The following CPOX variants were observed in gnomAD, a reference collection of about 807,000 sequenced individuals.
CPOX encodes the protein coproporphyrinogen oxidase, also known as oxygen-dependent coproporphyrinogen-III oxidase, mitochondrial.
In CPOX, 24 loss-of-function variants were observed where a neutral mutation model predicts 48.9. The ratio of observed to expected loss-of-function variants is 0.49; its 90% CI spans 0.36 to 0.69. The LOEUF is 0.69. Among genes scored for constraint, CPOX ranks in the 30% least tolerant of loss-of-function variants. CPOX has a pLI of 0.00. For missense variants in CPOX, 549 were observed against 597.3 expected, an observed-to-expected ratio of 0.92 and a Z score of 0.84; for synonymous variants, 249 against 234.6, an observed-to-expected ratio of 1.06 and a Z score of -0.56.
chr3:98,580,676 G>T lies in CPOX; in HGVS notation c.*7C>A. 6.2e-7 allele frequency: 1 copy of T among 1,614,094 alleles called. No individual in the cohort carries two copies. Among genetic ancestry groups the T allele is most frequent in the Non-Finnish European group, 8.5e-7 (1 of 1,179,986 alleles). On this transcript the variant is annotated 3_prime_UTR_variant, in exon 7 of 7. Coordinates refer to ENST00000647941, the MANE Select transcript of CPOX (RefSeq NM_000097.7). The stretch of plus-strand genomic sequence containing the variant: ...CTCCAAACCCCTGCACAGCCATTCT[G>T]CCTGCATCAACGCACCCAGTCCCTT...
chr3:98,588,414 A>C (rs1263423344), intron 4 of CPOX, among the ~76,000 whole-genome samples: 2 of 152,208 alleles, frequency 1.3e-5, no homozygotes, highest in Non-Finnish European at 2.9e-5. Context: ...AGAATTTAAC[A>C]ACCCACTCCA....
chr3:98,593,309 A>G lies in CPOX; in HGVS notation c.196T>C (p.Ser66Pro). Reference protein sequence around the residue: ...TEQSRGLGHGSTSRGGPWVGT... With the variant: ...TEQSRGLGHGPTSRGGPWVGT... ...ACCCAGGGGCCGCCTCTCGACGTCGAGCCGTGCCCCAGCCCGCGGCTCTGC... is the reference window on the plus strand; with the variant it reads ...ACCCAGGGGCCGCCTCTCGACGTCGGGCCGTGCCCCAGCCCGCGGCTCTGC... Residue 66 changes from serine (S) to proline (P), a missense_variant, in exon 1 of 7, where the codon TCG becomes CCG. By Grantham distance (74) the Ser-to-Pro change is moderately conservative (BLOSUM62 -1). Coordinates refer to ENST00000647941, the MANE Select transcript of CPOX (RefSeq NM_000097.7). 1 of 1,438,026 alleles carries G rather than the reference A, an allele frequency of 7.0e-7. No homozygotes were observed. Among genetic ancestry groups the G allele is most frequent in the Non-Finnish European group, 9.1e-7 (1 of 1,103,964 alleles). The allele number at this position is 1,438,026 out of a possible 1,614,324, so 89.1% of individuals were successfully genotyped here. A position where few individuals can be genotyped will look rare whatever the true frequency, so the allele number is the denominator to read the frequency against.
Position 98,581,523 on chromosome 3 carries a change from A to G in CPOX, c.1173-12T>C. 1 of 1,572,934 alleles carries G rather than the reference A, an allele frequency of 6.4e-7. No individual in the cohort carries two copies. Among genetic ancestry groups the G allele is most frequent in the South Asian group, 1.1e-5 (1 of 90,302 alleles). On this transcript the variant is annotated splice_polypyrimidine_tract_variant and intron_variant, in intron 5 of 6. Coordinates refer to ENST00000647941, the MANE Select transcript of CPOX (RefSeq NM_000097.7). ...TAAATTCTACATACCTGCCATAAAT[A>G]CATCAAATAACATTAAGGGCCAGCT...
chr3:98,579,413 T>C, downstream of CPOX: 2 of 676,976 alleles, frequency 3.0e-6, no homozygotes, highest in South Asian at 1.3e-4. Flanking sequence ...CGTTTTCCTA[T>C]ATTATCCTGG....
downstream of CPOX, among the ~76,000 whole-genome samples, chr3:98,577,957 A>G (rs1024016626): frequency 1.3e-5 from 2 of 152,232 alleles, no homozygotes; most frequent in African/African-American, 4.8e-5. Flanking sequence ...CTTATCTCAA[A>G]TACTCTGCTG....
intron 1 of CPOX, 38 bp downstream of exon 1, chr3:98,592,911 C>T: frequency 6.3e-7 from 1 of 1,588,376 alleles, no homozygotes; most frequent in Non-Finnish European, 8.6e-7. Context: ...GACCCTTTTT[C>T]CCTGTCTCCA....
At chr3:98,585,198 T>A (rs1707337706) in intron 5 of CPOX, among the ~76,000 whole-genome samples, 1 of 152,170 alleles carries the variant, frequency 6.6e-6, no homozygotes, top group Non-Finnish European at 1.5e-5. Flanking sequence ...TCAGCAGAAT[T>A]AAATTCAGGA....
rs372047148 is a variant in CPOX, at chr3:98,588,749, T to A, written c.917A>T (p.Gln306Leu). ...TTTGGGGTAGAGATCTGGACCATGC[T>A]GGTCACAAGCCTCCTTCAGAGTTCT... ...FHRTLKEACDQHGPDLYPKFK... is the reference protein window; with the variant it reads ...FHRTLKEACDLHGPDLYPKFK... Residue 306 changes from glutamine to leucine, a missense_variant, in exon 4 of 7, where the codon CAG becomes CTG. This residue lies in a region of CPOX where 213 missense variants were observed against 279.1 expected (regional missense o/e 0.76). Coordinates refer to ENST00000647941, the MANE Select transcript of CPOX (RefSeq NM_000097.7). 4.3e-6 allele frequency: 7 copies of A among 1,614,100 alleles called. No homozygotes were observed. The highest frequency in any genetic ancestry group is 4.2e-6 in the Non-Finnish European group (5 of 1,180,050).
chr3:98,582,558 T>C (rs1313320919), intron 5 of CPOX, among the ~76,000 whole-genome samples: 2 of 151,856 alleles, frequency 1.3e-5, no homozygotes, highest in African/African-American at 2.4e-5. Flanking sequence ...AGTGGCGCAA[T>C]CTCAGCTCAC....
At chr3:98,571,360 T>C in the CPOX span, among the ~76,000 whole-genome samples, 13 of 152,306 alleles carry the variant, frequency 8.5e-5, no homozygotes, top group African/African-American at 2.6e-4. Context: ...ATTTTCATTT[T>C]TCCTTCTTTA....
In CPOX at chr3:98,593,353, G is replaced by T; in HGVS notation, c.152C>A (p.Pro51His). The T allele has an allele frequency of 7.5e-7, 1 of 1,340,526 alleles. No homozygotes were observed. Among genetic ancestry groups the T allele is most frequent in the Non-Finnish European group, 9.5e-7 (1 of 1,057,948 alleles). 83.0% of individuals were successfully genotyped at this position (1,340,526 alleles called of 1,614,324 possible). The part of the protein sequence containing the change: ...RSAAGRVCRP[P>H]GPAGTEQSRG... ...GCTCTGCTCCGTGCCAGCCGGGCCA[G>T]GGGGCCGGCAGACGCGTCCGGCTGC... Residue 51 changes from proline (P) to histidine (H), a missense_variant, in exon 1 of 7, where the codon CCT (proline) becomes CAT (histidine). Physicochemically the swap from Pro to His is moderately conservative, Grantham distance 77 (BLOSUM62 -2). Transcript: ENST00000647941.
At position 98,585,434 on chromosome 3, in the gene CPOX, C is replaced by T. The variant is rs778215224; in HGVS notation, c.1172+7G>A. 5.0e-6 allele frequency: 8 copies of T among 1,612,866 alleles called. No individual in the cohort carries two copies. The highest frequency in any genetic ancestry group is 6.8e-6 in the Non-Finnish European group (8 of 1,179,354). On this transcript the variant is annotated splice_region_variant and intron_variant, in intron 5 of 6. Transcript: ENST00000647941. ...GCCATGAAAGAATTCGTTTTCCAGTCACTTACCGTCCTCTTCTGAGCTGCT... is the reference window on the plus strand; with the variant it reads ...GCCATGAAAGAATTCGTTTTCCAGTTACTTACCGTCCTCTTCTGAGCTGCT...
At chr3:98,592,029 G>A (rs1205706204) in intron 1 of CPOX, among the ~76,000 whole-genome samples, 1 of 151,084 alleles carries the variant, frequency 6.6e-6, no homozygotes, top group African/African-American at 2.4e-5. Context: ...AGGATTAAAA[G>A]AGATGAAATA....
intron 5 of CPOX, among the ~76,000 whole-genome samples, chr3:98,583,885 T>G (rs1707307553): frequency 6.6e-6 from 1 of 152,166 alleles, no homozygotes; most frequent in African/African-American, 2.4e-5. Context: ...CAGAGTTTAT[T>G]GCCATCTTAA....
At chr3:98,583,460 T>C (rs545122996) in intron 5 of CPOX, among the ~76,000 whole-genome samples, 5 of 152,342 alleles carry the variant, frequency 3.3e-5, no homozygotes, top group African/African-American at 1.2e-4. Flanking sequence ...TCCATACATC[T>C]GTCCTCTCTG....
downstream of CPOX, among the ~76,000 whole-genome samples, chr3:98,577,687 T>C (rs1707182714): frequency 6.6e-6 from 1 of 152,136 alleles, no homozygotes; most frequent in Non-Finnish European, 1.5e-5. Flanking sequence ...ATAACCTCAG[T>C]GGTTAGAACA....
At chr3:98,575,058 A>C (rs1292802137), downstream of CPOX, among the ~76,000 whole-genome samples, 1 of 152,244 alleles carries the variant, frequency 6.6e-6, no homozygotes, top group Non-Finnish European at 1.5e-5. Context: ...TCAAGTCAGA[A>C]AATGGAAGCA....
chr3:98,585,722 G>A, intron 4 of CPOX, 63 bp from the exon 5 acceptor site: 1 of 1,317,058 alleles, frequency 7.6e-7, no homozygotes, highest in Non-Finnish European at 1.1e-6. Context: ...GAAAATCAAT[G>A]TGAGCCTTTC....
At chr3:98,592,009 A>G (rs956448064) in intron 1 of CPOX, among the ~76,000 whole-genome samples, 34 of 150,164 alleles carry the variant, frequency 2.3e-4, no homozygotes, top group Non-Finnish European at 3.7e-4. Context: ...ATATATATAT[A>G]TGTAGTATGA....
Sources: allele counts gnomAD v4.1 joint callset (sites outside exome capture counted in the v4.1 genomes callset), GRCh38; gene constraint gnomAD v4.1.1; regional missense constraint gnomAD v4.1.1; transcripts MANE v1.5; gene names NCBI Gene and HGNC (gene_info 2026-07-23, HGNC 2026-07-21).